Variants in PABIR3 observed in about 807,000 individuals in gnomAD.
PABIR3 encodes the protein PABIR family member 3, also known as PABIR family member 1.
PABIR3 carries 20 observed loss-of-function variants against 23.1 expected under a neutral mutation model. The ratio of observed to expected loss-of-function variants is 0.86; its 90% CI spans 0.61 to 1.26. The LOEUF is 1.26. PABIR3 is among the 50% of genes most tolerant of loss of function. The pLI is 0.00. For synonymous variants in PABIR3, 69 were observed against 68.5 expected (o/e 1.01, Z -0.04); for missense variants, 189 against 195.4 (o/e 0.97, Z 0.20).
At chrX:134,856,190 T>C (rs1361707353), downstream of PABIR3, among the ~76,000 whole-genome samples, 1 of 105,292 alleles carries the variant, frequency 9.5e-6, no homozygotes, top group Middle Eastern at 4.3e-3. Flanking sequence ...ATTCAGTTAT[T>C]TTTTTTTTTT....
chrX:134,847,851 G>A, intron 7 of PABIR3, 32 bp from the exon 8 acceptor site: 1 of 1,123,827 alleles, frequency 8.9e-7, no homozygotes, highest in Non-Finnish European at 1.2e-6. Flanking sequence ...AAAAGTGGCG[G>A]TTTTAAAACC....
At chrX:134,816,270 GT>G (rs1408347987) in intron 3 of PABIR3, among the ~76,000 whole-genome samples, 1 of 112,415 alleles carries the variant, frequency 8.9e-6, no homozygotes, top group Non-Finnish European at 1.9e-5. Context: ...TTCTACTTTT[GT>G]AAGAGCTTGA....
At chrX:134,804,014 A>G (rs185488284), upstream of PABIR3, 17 of 286,640 alleles carry the variant, frequency 5.9e-5, no homozygotes, top group Non-Finnish European at 9.3e-5. Context: ...TGTGGTAACT[A>G]AAGGTTACAA....
upstream of PABIR3, chrX:134,807,102 CT>C: frequency 4.1e-6 from 3 of 740,568 alleles, no homozygotes; most frequent in Non-Finnish European, 4.8e-6. Context: ...GCGTGCGCCC[CT>C]GGCAAAGCTG....
intron 3 of PABIR3, chrX:134,822,599 G>A: frequency 1.3e-6 from 1 of 749,399 alleles, no homozygotes; most frequent in Non-Finnish European, 1.6e-6. Context: ...AACCTAAATT[G>A]GTTCCTTCCC....
chrX:134,803,947 A>ACAT (rs2080130690), upstream of PABIR3, among the ~76,000 whole-genome samples: 1 of 106,737 alleles, frequency 9.4e-6, no homozygotes, highest in African/African-American at 3.4e-5. Context: ...TCTTTTGGGA[A>ACAT]GGTTTGGGGT....
chrX:134,809,438 T>C, intron 2 of PABIR3: 7 of 715,017 alleles, frequency 9.8e-6, no homozygotes, highest in Non-Finnish European at 9.9e-6. Context: ...GTGTTGGGAT[T>C]ACAGGCGTGA....
chrX:134,807,663 A>G lies in PABIR3; in HGVS notation c.65A>G (p.Asn22Ser). ...SLPSSTTADG[N>S]ILRRVNSAPL... The stretch of plus-strand genomic sequence containing the variant: ...CCGAGTTCCACTACCGCAGACGGCA[A>G]CATTCTGAGAAGAGTCAACAGTGCC... Residue 22 changes from asparagine to serine, a missense_variant, in exon 2 of 11, where the codon AAC becomes AGC. By Grantham distance (46) the Asn-to-Ser change is conservative. Coordinates refer to ENST00000645433, the MANE Select transcript of PABIR3 (RefSeq NM_001388447.1). The G allele has an allele frequency of 6.6e-6, 8 of 1,208,622 alleles. No homozygotes were observed. Among genetic ancestry groups the G allele is most frequent in the Non-Finnish European group, 6.7e-6 (6 of 893,604 alleles).
chrX:134,811,983 C>G (rs1372482887), intron 2 of PABIR3, among the ~76,000 whole-genome samples: 1 of 112,078 alleles, frequency 8.9e-6, no homozygotes, highest in African/African-American at 3.2e-5. Context: ...TGAACTTTTA[C>G]GAACGTGGAA....
chrX:134,852,175 A>G (rs1429106898), intron 9 of PABIR3, among the ~76,000 whole-genome samples: 2 of 112,249 alleles, frequency 1.8e-5, no homozygotes, highest in African/African-American at 6.5e-5. Context: ...CTACATAGCT[A>G]TATCAAATCA....
chrX:134,856,331 G>A (rs1195003985), downstream of PABIR3, among the ~76,000 whole-genome samples: 2 of 110,037 alleles, frequency 1.8e-5, no homozygotes, highest in Non-Finnish European at 3.8e-5. Context: ...GATTACAGGC[G>A]CATGCCACCA....
At chrX:134,825,161 TAAAA>T (rs1178306479) in intron 3 of PABIR3, among the ~76,000 whole-genome samples, 2 of 111,829 alleles carry the variant, frequency 1.8e-5, no homozygotes, top group African/African-American at 6.5e-5. Context: ...TAAAATATAT[TAAAA>T]ATAAATAAAT....
chrX:134,817,201 A>C (rs976997672), intron 3 of PABIR3, among the ~76,000 whole-genome samples: 24 of 111,749 alleles, frequency 2.1e-4, no homozygotes, highest in Non-Finnish European at 3.9e-4. Flanking sequence ...AAAAACAAAA[A>C]AAAATATTGC....
chrX:134,848,441 A>C (rs2082511681), intron 8 of PABIR3, among the ~76,000 whole-genome samples: 1 of 111,585 alleles, frequency 9.0e-6, no homozygotes, highest in Admixed American at 9.6e-5. Context: ...ATATTGAAAA[A>C]GTCAGGTGAC....
At chrX:134,816,445 T>A (rs1025022141) in intron 3 of PABIR3, among the ~76,000 whole-genome samples, 1 of 111,964 alleles carries the variant, frequency 8.9e-6, no homozygotes, top group Non-Finnish European at 1.9e-5. Context: ...CTCAGCCTCC[T>A]GAGTAGCTGG....
chrX:134,828,746 G>T (rs184615461), intron 3 of PABIR3, among the ~76,000 whole-genome samples: 19 of 112,029 alleles, frequency 1.7e-4, no homozygotes, highest in African/African-American at 6.1e-4. Context: ...ATGAAAGTTT[G>T]GTTTCCCAGC....
chrX:134,797,684 G>C (rs1052550898), intron 1 of PABIR3, among the ~76,000 whole-genome samples: 3 of 111,356 alleles, frequency 2.7e-5, no homozygotes, highest in African/African-American at 9.8e-5. Context: ...CCTTTTGCAA[G>C]CACCTTTAGA....
At chrX:134,813,132 G>A (rs991276507) in intron 2 of PABIR3, among the ~76,000 whole-genome samples, 2 of 112,032 alleles carry the variant, frequency 1.8e-5, no homozygotes, top group Non-Finnish European at 3.8e-5. Flanking sequence ...AAAGAAAAAG[G>A]TGGCAACTGT....
intron 2 of PABIR3, 70 bp from the exon 3 acceptor site, chrX:134,814,701 C>CAAAA (rs2080872364): frequency 1.3e-6 from 1 of 745,977 alleles, no homozygotes; most frequent in African/African-American, 2.4e-5. Flanking sequence ...GAGACTCCGT[C>CAAAA]TCAAAAAAAA....
Sources: allele counts gnomAD v4.1 joint callset (sites outside exome capture counted in the v4.1 genomes callset), GRCh38; gene constraint gnomAD v4.1.1; transcripts MANE v1.5; gene names NCBI Gene and HGNC (gene_info 2026-07-23, HGNC 2026-07-21).